Variants in MACROD2 observed in about 807,000 individuals in gnomAD.
The protein encoded by MACROD2 is mono-ADP ribosylhydrolase 2.
Under a neutral mutation model 70.4 loss-of-function variants are expected in MACROD2, and 36 were observed. The ratio of observed to expected loss-of-function variants is 0.51; its 90% CI spans 0.39 to 0.68. The LOEUF is 0.68. Among genes scored for constraint, MACROD2 ranks in the 30% least tolerant of loss-of-function variants. The pLI is 0.00. For missense variants in MACROD2, 496 were observed against 538.4 expected, an observed-to-expected ratio of 0.92 and a Z score of 0.78; for synonymous variants, 172 against 178.8, an observed-to-expected ratio of 0.96 and a Z score of 0.30.
At chr20:15,201,824 A>G (rs2076658897) in intron 5 of MACROD2, among the ~76,000 whole-genome samples, 1 of 152,212 alleles carries the variant, frequency 6.6e-6, no homozygotes, top group African/African-American at 2.4e-5. Flanking sequence ...ATTCTGAGAT[A>G]CAGGAAAAGA....
intron 5 of MACROD2, among the ~76,000 whole-genome samples, chr20:15,219,592 T>A (rs1171553332): frequency 1.3e-5 from 2 of 152,208 alleles, no homozygotes; most frequent in African/African-American, 4.8e-5. Flanking sequence ...TAGCCTCTTC[T>A]CATTTGTCTT....
At chr20:14,828,956 C>CTTT (rs200464102) in intron 5 of MACROD2, among the ~76,000 whole-genome samples, 1 of 140,330 alleles carries the variant, frequency 7.1e-6, no homozygotes, top group Non-Finnish European at 1.6e-5. Context: ...TTTTTTCCTT[C>CTTT]TTTTTTTTTT....
At chr20:15,867,305 C>G (rs73099292) in intron 9 of MACROD2, among the ~76,000 whole-genome samples, 1,532 of 152,192 alleles carry the variant, frequency 0.01, 12 homozygotes, top group Middle Eastern at 0.024. Flanking sequence ...ACAATTAAGC[C>G]CATAAAATTG....
chr20:15,297,936 C>T (rs2077606495), intron 6 of MACROD2, among the ~76,000 whole-genome samples: 1 of 152,144 alleles, frequency 6.6e-6, no homozygotes, highest in Non-Finnish European at 1.5e-5. Context: ...ATTAAGGGAA[C>T]ACAATAGCTG....
intron 4 of MACROD2, among the ~76,000 whole-genome samples, chr20:14,551,652 T>A (rs1240640436): frequency 6.6e-6 from 1 of 152,134 alleles, no homozygotes; most frequent in East Asian, 1.9e-4. Context: ...CTGCACAACT[T>A]TTGTGGTGGA....
Position 15,032,497 on chromosome 20 carries a change from G to A in MACROD2, c.419-197443G>A, listed in dbSNP as rs573729460. 5.9e-4 allele frequency among the ~76,000 whole-genome samples: 90 copies of A among 152,314 alleles called. 1 individual carries two copies. The highest frequency in any genetic ancestry group is 3.4e-3 in the Middle Eastern group (1 of 294). Reference sequence around the variant, plus strand: ...TAGGATGGGGGATTCACGGAGCTGAGAGCCAAGACATCACTTTGAGACTCA... The same window carrying A: ...TAGGATGGGGGATTCACGGAGCTGAAAGCCAAGACATCACTTTGAGACTCA... On this transcript the variant is annotated intron_variant, in intron 5 of 17. Transcript: ENST00000684519.
rs1162730128 is a variant in MACROD2 at position 15,161,100 on chromosome 20, G to A, written c.419-68840G>A. ...AATCCTGGTTTTGCCTCATTGCCAT[G>A]TGGATTGGACATGTCAGTTCACCTC... On this transcript the variant is annotated intron_variant, in intron 5 of 17. Coordinates refer to ENST00000684519, the MANE Select transcript of MACROD2 (RefSeq NM_001351661.2). Among the ~76,000 whole-genome samples the A allele has an allele frequency of 2.0e-5, 3 of 151,950 alleles. No homozygotes were observed. The South Asian group carries it at 6.2e-4, about 31-fold the overall frequency.
At chr20:15,911,152 C>A (rs1292375548) in intron 10 of MACROD2, among the ~76,000 whole-genome samples, 1 of 152,144 alleles carries the variant, frequency 6.6e-6, no homozygotes, top group Non-Finnish European at 1.5e-5. Flanking sequence ...ACATGTACTG[C>A]CCTGACTAGG....
At chr20:16,019,049 A>C (rs2066966923) in intron 15 of MACROD2, among the ~76,000 whole-genome samples, 1 of 152,188 alleles carries the variant, frequency 6.6e-6, no homozygotes, top group Non-Finnish European at 1.5e-5. Context: ...TTCCAGGATC[A>C]CTGAGCACAT....
At chr20:15,087,535 CTATG>C (rs2075757853) in intron 5 of MACROD2, among the ~76,000 whole-genome samples, 2 of 151,972 alleles carry the variant, frequency 1.3e-5, no homozygotes, top group African/African-American at 4.8e-5. Context: ...GAGAGCAGAG[CTATG>C]TCTTGCCTCA....
chr20:15,761,839 A>G (rs2051441255), intron 8 of MACROD2, among the ~76,000 whole-genome samples: 1 of 152,260 alleles, frequency 6.6e-6, no homozygotes, highest in South Asian at 2.1e-4. Flanking sequence ...CATTTTCCCC[A>G]GTAATGACTG....
chr20:15,095,393 G>A (rs900740580), intron 5 of MACROD2, among the ~76,000 whole-genome samples: 3 of 151,260 alleles, frequency 2.0e-5, no homozygotes, highest in Admixed American at 2.0e-4. Context: ...TCTCTAATGA[G>A]CCAGTTTAAT....
intron 2 of MACROD2, among the ~76,000 whole-genome samples, chr20:14,059,833 G>A (rs1386376618): frequency 1.3e-5 from 2 of 152,198 alleles, no homozygotes; most frequent in African/African-American, 4.8e-5. Context: ...AAGATAAAAT[G>A]CTAGAATGAG....
At chr20:15,956,096 C>T (rs958877484) in intron 12 of MACROD2, among the ~76,000 whole-genome samples, 1 of 152,198 alleles carries the variant, frequency 6.6e-6, no homozygotes, top group Non-Finnish European at 1.5e-5. Context: ...CTCACCACGT[C>T]ACAAATACTC....
At chr20:14,591,435 CCT>C (rs1981762729) in intron 4 of MACROD2, among the ~76,000 whole-genome samples, 1 of 152,162 alleles carries the variant, frequency 6.6e-6, no homozygotes, top group African/African-American at 2.4e-5. Flanking sequence ...AGATTGGCTC[CCT>C]GTAAATATAT....
At chr20:15,773,315 A>C (rs911208551) in intron 8 of MACROD2, among the ~76,000 whole-genome samples, 3 of 152,074 alleles carry the variant, frequency 2.0e-5, no homozygotes, top group Non-Finnish European at 2.9e-5. Flanking sequence ...TTTTAATCAG[A>C]GAAATATGAT....
At chr20:14,285,789 T>C (rs899105851) in intron 3 of MACROD2, among the ~76,000 whole-genome samples, 7 of 152,092 alleles carry the variant, frequency 4.6e-5, no homozygotes, top group South Asian at 2.1e-4. Flanking sequence ...TTAACAATTA[T>C]ATTTTCTCAT....
intron 8 of MACROD2, among the ~76,000 whole-genome samples, chr20:15,516,297 C>CA (rs888614776): frequency 7.8e-4 from 119 of 151,730 alleles, no homozygotes; most frequent in African/African-American, 2.1e-3. Context: ...ATATGCCCTT[C>CA]AAAAAAAATG....
intron 13 of MACROD2, among the ~76,000 whole-genome samples, chr20:15,972,701 T>C (rs1235385221): frequency 6.6e-6 from 1 of 151,990 alleles, no homozygotes; most frequent in African/African-American, 2.4e-5. Flanking sequence ...TCCCAGCTAC[T>C]TGGGAGGCTG....
Sources: gnomAD v4.1 joint callset for allele counts (sites outside exome capture counted in the v4.1 genomes callset) on GRCh38, gnomAD v4.1.1 for gene constraint, MANE v1.5 for transcripts, NCBI Gene and HGNC (gene_info 2026-07-23, HGNC 2026-07-21) for gene names.